SPAG16: variants seen among roughly 807,000 people sequenced by gnomAD.
SPAG16 encodes the protein sperm associated antigen 16, also known as sperm-associated antigen 16 protein.
SPAG16 carries 86 observed loss-of-function variants against 80.4 expected under a neutral mutation model. That is an observed-to-expected ratio of 1.07 (90% CI 0.90 to 1.28). The LOEUF (loss-of-function observed/expected upper bound fraction) is 1.28, where lower values mean the gene tolerates loss of function less well. Ranked by LOEUF, SPAG16 falls within the 50% of genes most tolerant of loss-of-function variation. The probability of loss-of-function intolerance (pLI) is 0.00; values close to 1 mark genes in which losing one functional copy is unlikely to be tolerated. For missense variants in SPAG16, 870 were observed against 765.3 expected, an observed-to-expected ratio of 1.14 and a Z score of -1.61; for synonymous variants, 294 against 265.9, an observed-to-expected ratio of 1.11 and a Z score of -1.03.
chr2:213,667,331 C>G (rs2063644787), intron 10 of SPAG16, among the ~76,000 whole-genome samples: 1 of 152,136 alleles, frequency 6.6e-6, no homozygotes, highest in African/African-American at 2.4e-5. Flanking sequence ...CAGAGCTACT[C>G]TGGGAGTCAG....
intron 11 of SPAG16, among the ~76,000 whole-genome samples, chr2:213,873,349 T>C (rs2076022908): frequency 6.6e-6 from 1 of 152,034 alleles, no homozygotes; most frequent in Admixed American, 6.6e-5. Flanking sequence ...AATCTGGTAA[T>C]GATGCCTTTA....
At chr2:214,153,977 TC>T (rs1261748973) in intron 15 of SPAG16, among the ~76,000 whole-genome samples, 2 of 152,138 alleles carry the variant, frequency 1.3e-5, no homozygotes, top group Non-Finnish European at 2.9e-5. Context: ...TATATTTATA[TC>T]CCAAGTATTT....
At chr2:213,733,220 G>GT (rs57605351) in intron 10 of SPAG16, among the ~76,000 whole-genome samples, 70,719 of 149,272 alleles carry the variant, frequency 0.47, 16,919 homozygotes, top group East Asian at 0.6. Context: ...TAATGGGGTT[G>GT]TTTTTTTTTT....
intron 15 of SPAG16, among the ~76,000 whole-genome samples, chr2:214,366,299 C>G (rs753528971): frequency 1.3e-5 from 2 of 152,164 alleles, no homozygotes; most frequent in African/African-American, 2.4e-5. Flanking sequence ...TTAAAGGACT[C>G]TTACACTGTG....
intron 10 of SPAG16, among the ~76,000 whole-genome samples, chr2:213,728,930 A>AATG (rs2066907110): frequency 6.9e-6 from 1 of 143,998 alleles, no homozygotes; most frequent in African/African-American, 2.5e-5. Context: ...AAGATGATGG[A>AATG]ATGATGGCAG....
chr2:214,246,758 A>T (rs941458085), intron 15 of SPAG16, among the ~76,000 whole-genome samples: 4 of 151,904 alleles, frequency 2.6e-5, no homozygotes. Flanking sequence ...AATATAATAG[A>T]ATACTTTTTG....
intron 10 of SPAG16, among the ~76,000 whole-genome samples, chr2:213,762,128 A>T (rs2068698487): frequency 6.6e-6 from 1 of 152,228 alleles, no homozygotes; most frequent in Non-Finnish European, 1.5e-5. Flanking sequence ...TTGCAGAAGA[A>T]AAAGTATTTG....
At chr2:213,358,488 C>A (rs1304496803) in intron 7 of SPAG16, among the ~76,000 whole-genome samples, 1 of 152,182 alleles carries the variant, frequency 6.6e-6, no homozygotes, top group East Asian at 1.9e-4. Flanking sequence ...CTTGTCTTCT[C>A]ACTTTATTTC....
At chr2:213,646,766 G>A (rs2062838844) in intron 10 of SPAG16, among the ~76,000 whole-genome samples, 3 of 152,302 alleles carry the variant, frequency 2.0e-5, no homozygotes, top group Admixed American at 2.0e-4. Flanking sequence ...TGTAGATCCA[G>A]GGGATAATCT....
chr2:214,322,877 T>A (rs1696198867), intron 15 of SPAG16, among the ~76,000 whole-genome samples: 1 of 152,144 alleles, frequency 6.6e-6, no homozygotes, highest in Non-Finnish European at 1.5e-5. Flanking sequence ...GACTGATCCT[T>A]CTGGGAACCA....
intron 15 of SPAG16, among the ~76,000 whole-genome samples, chr2:214,188,893 A>G (rs1446659421): frequency 6.6e-6 from 1 of 152,104 alleles, no homozygotes; most frequent in South Asian, 2.1e-4. Flanking sequence ...GGGGTCCTGC[A>G]TCCCTTTCTG....
chr2:213,713,538 AC>A (rs1277231525), intron 10 of SPAG16, among the ~76,000 whole-genome samples: 1 of 152,160 alleles, frequency 6.6e-6, no homozygotes, highest in African/African-American at 2.4e-5. Flanking sequence ...AAAAGAAAAA[AC>A]AAACAGATTT....
At chr2:214,394,755 TCA>T (rs1701268459) in intron 15 of SPAG16, among the ~76,000 whole-genome samples, 1 of 152,166 alleles carries the variant, frequency 6.6e-6, no homozygotes. Flanking sequence ...TCAAAACAGT[TCA>T]CTTTTGGTGT....
intron 15 of SPAG16, among the ~76,000 whole-genome samples, chr2:214,299,537 G>A (rs1029253825): frequency 3.9e-5 from 6 of 151,938 alleles, no homozygotes; most frequent in African/African-American, 7.3e-5. Context: ...ATGAGCCACC[G>A]TGCCCAGCCT....
At chr2:213,448,997 A>G (rs139903441) in intron 9 of SPAG16, among the ~76,000 whole-genome samples, 1 of 152,312 alleles carries the variant, frequency 6.6e-6, no homozygotes, top group African/African-American at 2.4e-5. Context: ...GAGCCTATAA[A>G]CAGTTGTGCA....
At chr2:214,405,329 G>A (rs955075453) in intron 15 of SPAG16, among the ~76,000 whole-genome samples, 2 of 152,110 alleles carry the variant, frequency 1.3e-5, no homozygotes, top group African/African-American at 4.8e-5. Flanking sequence ...GTCTCACTAT[G>A]TTGTCCAAGC....
chr2:213,342,957 G>A (rs368332517), intron 6 of SPAG16, among the ~76,000 whole-genome samples: 5 of 151,974 alleles, frequency 3.3e-5, no homozygotes, highest in African/African-American at 1.2e-4. Flanking sequence ...GAGCTGAGGA[G>A]GCAGAGATCA....
chr2:213,731,782 G>T (rs970551282), intron 10 of SPAG16, among the ~76,000 whole-genome samples: 2 of 152,194 alleles, frequency 1.3e-5, no homozygotes, highest in East Asian at 1.9e-4. Context: ...CCCTGCAAAA[G>T]ATATGATCTC....
intron 10 of SPAG16, among the ~76,000 whole-genome samples, chr2:213,731,584 G>A (rs890618037): frequency 6.6e-6 from 1 of 151,916 alleles, no homozygotes; most frequent in African/African-American, 2.4e-5. Context: ...CCATCACCCA[G>A]GTATTAAGCC....
Sources: gnomAD v4.1 joint callset for allele counts (sites outside exome capture counted in the v4.1 genomes callset) on GRCh38, gnomAD v4.1.1 for gene constraint, MANE v1.5 for transcripts, NCBI Gene and HGNC (gene_info 2026-07-23, HGNC 2026-07-21) for gene names.